The following THRB variants were observed in gnomAD, a reference collection of about 807,000 sequenced individuals.
THRB encodes thyroid hormone receptor beta, also known as nuclear receptor subfamily 1 group A member 2.
In THRB, 12 loss-of-function variants were observed where a neutral mutation model predicts 47.8. That is an observed-to-expected ratio of 0.25 (90% CI 0.16 to 0.41). The LOEUF (loss-of-function observed/expected upper bound fraction) is 0.41, where lower values mean the gene tolerates loss of function less well. THRB is among the 10% of genes least tolerant of loss of function. THRB has a pLI of 1.00. For missense variants in THRB, 348 were observed against 589.2 expected (o/e 0.59, Z 4.24); for synonymous variants, 218 against 212.2 (o/e 1.03, Z -0.24).
At chr3:24,425,315 G>C (rs534995809) in intron 1 of THRB, among the ~76,000 whole-genome samples, 20 of 151,926 alleles carry the variant, frequency 1.3e-4, no homozygotes, top group African/African-American at 4.8e-4. Context: ...TTAATACAAG[G>C]ATGACTTCAT....
intron 4 of THRB, among the ~76,000 whole-genome samples, chr3:24,216,657 C>T (rs1201200911): frequency 6.6e-6 from 1 of 152,096 alleles, no homozygotes; most frequent in African/African-American, 2.4e-5. Context: ...GATCTCTTGA[C>T]TATGAGCTTC....
chr3:24,142,198 C>G (rs1197890632), intron 8 of THRB, among the ~76,000 whole-genome samples: 1 of 152,226 alleles, frequency 6.6e-6, no homozygotes, highest in South Asian at 2.1e-4. Flanking sequence ...CTGTGTCTTA[C>G]TTCTCTCTTC....
At chr3:24,449,815 T>A (rs2072467072) in intron 1 of THRB, among the ~76,000 whole-genome samples, 1 of 152,124 alleles carries the variant, frequency 6.6e-6, no homozygotes, top group Non-Finnish European at 1.5e-5. Flanking sequence ...AAAAAGAAGA[T>A]TAAGTTTGAG....
chr3:24,236,687 A>G (rs1474915765), intron 3 of THRB, among the ~76,000 whole-genome samples: 1 of 152,152 alleles, frequency 6.6e-6, no homozygotes, highest in African/African-American at 2.4e-5. Context: ...TGCAAGGCTG[A>G]ATTTTTGTGA....
intron 3 of THRB, among the ~76,000 whole-genome samples, chr3:24,253,433 A>T (rs826226): frequency 6.6e-6 from 1 of 151,988 alleles, no homozygotes; most frequent in African/African-American, 2.4e-5. Context: ...TGAGCTTTTG[A>T]TCTAGAGGGA....
At chr3:24,345,839 A>C (rs1209398023) in intron 1 of THRB, among the ~76,000 whole-genome samples, 1 of 152,078 alleles carries the variant, frequency 6.6e-6, no homozygotes, top group Non-Finnish European at 1.5e-5. Flanking sequence ...CATTGTATTG[A>C]TTGTGGGGAT....
chr3:24,260,285 C>A lies in THRB; in HGVS notation c.-42-31284G>T, dbSNP rs76578455. Among the ~76,000 whole-genome samples the A allele has an allele frequency of 4.4e-4, 67 of 152,228 alleles. 4 individuals carry two copies. In the East Asian group the frequency reaches 7.5e-3, roughly 17 times the overall value. On this transcript the variant is annotated intron_variant, in intron 3 of 10. Transcript: ENST00000646209. Reference sequence around the variant, plus strand: ...GCTGACCAGTTTGTGTCTTACTAGCCAGGCAGCCCTTGCCGTATCCAGCAC... The same window carrying A: ...GCTGACCAGTTTGTGTCTTACTAGCAAGGCAGCCCTTGCCGTATCCAGCAC...
chr3:24,135,421 T>A (rs1262241851), intron 8 of THRB, among the ~76,000 whole-genome samples: 1 of 152,168 alleles, frequency 6.6e-6, no homozygotes, highest in Non-Finnish European at 1.5e-5. Flanking sequence ...TACTTTATTT[T>A]TTTGTGTGTG....
At chr3:24,229,078 A>G in intron 3 of THRB, 77 bp from the exon 4 acceptor site, 1 of 869,160 alleles carries the variant, frequency 1.2e-6, no homozygotes, top group South Asian at 1.4e-5. Flanking sequence ...AAACAATATC[A>G]TATGCATTAA....
At chr3:24,134,459 A>T (rs1482389593) in intron 8 of THRB, among the ~76,000 whole-genome samples, 3 of 152,134 alleles carry the variant, frequency 2.0e-5, no homozygotes, top group Non-Finnish European at 2.9e-5. Context: ...CACTTTGCAC[A>T]CTACCCTGTC....
rs145015857 is a variant in THRB at position 24,155,897 on chromosome 3, T to C, written c.284-3407A>G. On this transcript the variant is annotated intron_variant, in intron 5 of 10. Coordinates refer to ENST00000646209, the MANE Select transcript of THRB (RefSeq NM_001354712.2). Reference sequence around the variant, plus strand: ...GTGACTGCTAAAGAAGCCTGGTCAATAACCCTCCAGAAAAAATTAAGGTCC... The same window carrying C: ...GTGACTGCTAAAGAAGCCTGGTCAACAACCCTCCAGAAAAAATTAAGGTCC... Among the ~76,000 whole-genome samples the C allele has an allele frequency of 6.5e-3, 984 of 151,644 alleles. 9 individuals are homozygous for C. The highest frequency in any genetic ancestry group is 0.01 in the Non-Finnish European group (688 of 67,630).
chr3:24,358,147 A>T lies in THRB; in HGVS notation c.-260-20776T>A, dbSNP rs182653557. Among the ~76,000 whole-genome samples the T allele has an allele frequency of 9.8e-3, 1,497 of 152,212 alleles. 21 individuals carry two copies. Among genetic ancestry groups the T allele is most frequent in the African/African-American group, 0.035 (1,440 of 41,524 alleles). On this transcript the variant is annotated intron_variant, in intron 1 of 10. Coordinates refer to ENST00000646209, the MANE Select transcript of THRB (RefSeq NM_001354712.2). Reference sequence around the variant, plus strand: ...TGCTTTGCACACTTTACTATTAGATATTGTTTTTCTTACTAATTCATAAGA... The same window carrying T: ...TGCTTTGCACACTTTACTATTAGATTTTGTTTTTCTTACTAATTCATAAGA...
At chr3:24,322,548 T>C (rs1289630394) in intron 2 of THRB, among the ~76,000 whole-genome samples, 5 of 152,238 alleles carry the variant, frequency 3.3e-5, no homozygotes, top group Non-Finnish European at 5.9e-5. Context: ...AACTCCTTTC[T>C]TTGCCTGGAC....
At chr3:24,166,834 C>A (rs1287058594) in intron 5 of THRB, among the ~76,000 whole-genome samples, 9 of 152,104 alleles carry the variant, frequency 5.9e-5, no homozygotes, top group Non-Finnish European at 1.2e-4. Flanking sequence ...AACAGTGAGA[C>A]CTTTGCTTTG....
At chr3:24,254,199 T>TAAAAAAAAA (rs57275069) in intron 3 of THRB, among the ~76,000 whole-genome samples, 2 of 34,584 alleles carry the variant, frequency 5.8e-5, no homozygotes, top group Non-Finnish European at 5.3e-5. Flanking sequence ...CTGTCTCTAC[T>TAAAAAAAAA]AAAAAAAAAA....
At chr3:24,176,570 T>C (rs2149412711) in intron 5 of THRB, among the ~76,000 whole-genome samples, 1 of 152,266 alleles carries the variant, frequency 6.6e-6, no homozygotes, top group African/African-American at 2.4e-5. Flanking sequence ...CAGTAAAGGC[T>C]CCAGTCCTAC....
At chr3:24,355,820 T>C (rs2063639256) in intron 1 of THRB, among the ~76,000 whole-genome samples, 2 of 152,106 alleles carry the variant, frequency 1.3e-5, no homozygotes, top group Admixed American at 1.3e-4. Flanking sequence ...GTTTCTATAA[T>C]CTTAGCACTT....
rs79510105 is a variant in THRB at position 24,212,931 on chromosome 3, C to G, written c.22+16007G>C. Among the ~76,000 whole-genome samples the G allele has an allele frequency of 1.7e-3, 256 of 152,352 alleles. 7 individuals are homozygous for G. The East Asian group carries it at 0.046, about 27-fold the overall frequency. On this transcript the variant is annotated intron_variant, in intron 4 of 10. Coordinates refer to ENST00000646209, the MANE Select transcript of THRB (RefSeq NM_001354712.2). The stretch of plus-strand genomic sequence containing the variant: ...AGCCAAAACATTCAGATGATTCCTT[C>G]TGCCAAGATAACTGGCAGACGTTCT...
At chr3:24,138,625 C>T (rs1178321226) in intron 8 of THRB, among the ~76,000 whole-genome samples, 2 of 152,172 alleles carry the variant, frequency 1.3e-5, no homozygotes, top group Non-Finnish European at 1.5e-5. Flanking sequence ...CATGTAACTA[C>T]TAGATTATCC....
Sources: gnomAD v4.1 joint callset for allele counts (sites outside exome capture counted in the v4.1 genomes callset) on GRCh38, gnomAD v4.1.1 for gene constraint, MANE v1.5 for transcripts, NCBI Gene and HGNC (gene_info 2026-07-23, HGNC 2026-07-21) for gene names.